DOCK7: variants seen among roughly 807,000 people sequenced by gnomAD.
DOCK7 encodes dedicator of cytokinesis 7.
DOCK7 carries 138 observed loss-of-function variants against 271.0 expected under a neutral mutation model. That is an observed-to-expected ratio of 0.51 (90% CI 0.44 to 0.59). The LOEUF is 0.59. DOCK7 is among the 20% of genes least tolerant of loss of function. DOCK7 has a pLI of 0.00. For synonymous variants in DOCK7, 823 were observed against 876.1 expected (o/e 0.94, Z 1.07); for missense variants, 2,066 against 2,592.4 (o/e 0.80, Z 4.41).
chr1:62,672,092 T>C (rs924204727), intron 1 of DOCK7, among the ~76,000 whole-genome samples: 1 of 152,166 alleles, frequency 6.6e-6, no homozygotes, highest in South Asian at 2.1e-4. Context: ...TCCATCTCTC[T>C]GCCATCTCCA....
chr1:62,629,926 A>T (rs899185140), intron 11 of DOCK7, among the ~76,000 whole-genome samples: 2 of 152,240 alleles, frequency 1.3e-5, no homozygotes, highest in Non-Finnish European at 2.9e-5. Context: ...TTTAAGAAAG[A>T]TTAATAAAAA....
intron 18 of DOCK7, among the ~76,000 whole-genome samples, chr1:62,574,402 C>T (rs1294595615): frequency 6.6e-6 from 1 of 151,516 alleles, no homozygotes; most frequent in African/African-American, 2.4e-5. Context: ...TCAAGAAAAT[C>T]ATGAAATAAA....
Position 62,544,947 on chromosome 1 carries a change from C to T in DOCK7, c.2859G>A (p.Gln953=). Residue 953 remains glutamine (Q), a splice_region_variant and synonymous_variant, in exon 23 of 50, where the codon CAG becomes CAA. Transcript: ENST00000635253. The stretch of plus-strand genomic sequence containing the variant: ...AAGAAACCTCTAATATAAACACCAC[C>T]TGTGTTGATTCTGCACTTGGACTGG... ...SNPSPSAEST[Q]AMDRSCNRMS... 6.5e-7 allele frequency: 1 copy of T among 1,548,566 alleles called. No individual in the cohort carries two copies. The highest frequency in any genetic ancestry group is 8.7e-7 in the Non-Finnish European group (1 of 1,145,616).
intron 31 of DOCK7, among the ~76,000 whole-genome samples, chr1:62,523,452 AAAGG>A (rs1644910293): frequency 6.6e-6 from 1 of 152,340 alleles, no homozygotes; most frequent in African/African-American, 2.4e-5. Flanking sequence ...ATTAAATGTA[AAAGG>A]AAGAACAAAA....
intron 14 of DOCK7, chr1:62,597,828 C>T (rs2149525758): frequency 6.2e-7 from 1 of 1,609,228 alleles, no homozygotes; most frequent in African/African-American, 1.3e-5. Context: ...TCTATCGCTG[C>T]AAACCAGTGA....
In DOCK7 at chr1:62,561,709, A is replaced by G; in HGVS notation, c.2113-6T>C. 6.5e-7 allele frequency: 1 copy of G among 1,529,636 alleles called. No individual in the cohort carries two copies. The highest frequency in any genetic ancestry group is 8.8e-7 in the Non-Finnish European group (1 of 1,142,826). 94.8% of individuals were successfully genotyped at this position (1,529,636 alleles called of 1,614,324 possible). Reference sequence around the variant, plus strand: ...TTCATGCCAGGTAGAGGAACCTGTAAGATATTAAATATAATGATCACAGAT... The same window carrying G: ...TTCATGCCAGGTAGAGGAACCTGTAGGATATTAAATATAATGATCACAGAT... On this transcript the variant is annotated splice_polypyrimidine_tract_variant and splice_region_variant and intron_variant, in intron 18 of 49. Coordinates refer to ENST00000635253, the MANE Select transcript of DOCK7 (RefSeq NM_001367561.1).
At chr1:62,621,167 G>A (rs989209882) in intron 12 of DOCK7, among the ~76,000 whole-genome samples, 2 of 151,918 alleles carry the variant, frequency 1.3e-5, no homozygotes, top group South Asian at 2.1e-4. Flanking sequence ...GGATTTAGAC[G>A]AGGGAGGGAG....
chr1:62,481,387 T>C (rs1349147800), intron 43 of DOCK7: 1 of 152,170 alleles, frequency 6.6e-6, no homozygotes, highest in African/African-American at 2.4e-5. Flanking sequence ...AATTTGACTA[T>C]TTTCAACTTA....
chr1:62,687,923 C>T (rs1012216750), intron 1 of DOCK7, among the ~76,000 whole-genome samples: 7 of 152,202 alleles, frequency 4.6e-5, no homozygotes, highest in Admixed American at 4.6e-4. Flanking sequence ...CATAAACCTC[C>T]GCAGAAGTCC....
intron 25 of DOCK7, among the ~76,000 whole-genome samples, chr1:62,540,700 G>C (rs1645500998): frequency 6.6e-6 from 1 of 152,088 alleles, no homozygotes; most frequent in Non-Finnish European, 1.5e-5. Context: ...TGTGGTAATG[G>C]TAACAAAGAA....
At chr1:62,661,739 T>G (rs1368874882) in intron 2 of DOCK7, among the ~76,000 whole-genome samples, 1 of 152,006 alleles carries the variant, frequency 6.6e-6, no homozygotes, top group Non-Finnish European at 1.5e-5. Context: ...GCCATAAAGA[T>G]AAGACGTGGT....
chr1:62,499,585 A>C (rs939297672), intron 37 of DOCK7, among the ~76,000 whole-genome samples: 1 of 152,104 alleles, frequency 6.6e-6, no homozygotes, highest in Non-Finnish European at 1.5e-5. Context: ...TAAGTAAGAA[A>C]CTTAGCCCGG....
chr1:62,528,196 C>T lies in DOCK7; in HGVS notation c.3891G>A (p.Ser1297=), dbSNP rs751882084. ...QTVAMAIAGT[S]VPQLTRPGSF... is the part of the protein sequence containing the mutation. ...TGCCAGGCCTTGTTAGTTGAGGGAC[C>T]GATGTCCCTGCGATTGCCATGGCAA... Residue 1297 remains serine (S), a synonymous_variant, in exon 31 of 50, where the codon TCG becomes TCA. Transcript: ENST00000635253. The T allele has an allele frequency of 1.4e-5, 22 of 1,613,632 alleles. No homozygotes were observed. Among genetic ancestry groups the T allele is most frequent in the South Asian group, 5.5e-5 (5 of 91,028 alleles).
chr1:62,578,646 CA>C (rs1272279161), intron 17 of DOCK7, among the ~76,000 whole-genome samples, 181 bp downstream of exon 17: 1 of 133,968 alleles, frequency 7.5e-6, no homozygotes, highest in Non-Finnish European at 1.5e-5. Context: ...TGCTTGAACC[CA>C]GGAAACGGAG....
intron 21 of DOCK7, among the ~76,000 whole-genome samples, chr1:62,554,563 T>C (rs1220587867): frequency 3.3e-5 from 5 of 151,664 alleles, no homozygotes; most frequent in Non-Finnish European, 7.4e-5. Flanking sequence ...CTGTCTTTTA[T>C]TTTTAAAATA....
intron 22 of DOCK7, among the ~76,000 whole-genome samples, chr1:62,545,502 A>G (rs1267591358): frequency 6.6e-6 from 1 of 152,120 alleles, no homozygotes; most frequent in African/African-American, 2.4e-5. Context: ...GTGATACCCC[A>G]TAATTCTATT....
intron 18 of DOCK7, among the ~76,000 whole-genome samples, chr1:62,575,881 T>C: frequency 6.6e-6 from 1 of 152,208 alleles, no homozygotes; most frequent in East Asian, 1.9e-4. Context: ...AACAAATCCT[T>C]AACTTCAACA....
chr1:62,503,980 G>A (rs1646866673), intron 37 of DOCK7, among the ~76,000 whole-genome samples: 1 of 151,636 alleles, frequency 6.6e-6, no homozygotes, highest in Non-Finnish European at 1.5e-5. Flanking sequence ...CCAGGAGGCG[G>A]AGCTTGCAGT....
chr1:62,662,360 C>A (rs759028920), intron 2 of DOCK7, among the ~76,000 whole-genome samples: 4 of 152,154 alleles, frequency 2.6e-5, no homozygotes, highest in Non-Finnish European at 4.4e-5. Context: ...AATATAAATT[C>A]ATTTATCTTA....
Sources: allele counts gnomAD v4.1 joint callset (sites outside exome capture counted in the v4.1 genomes callset), GRCh38; gene constraint gnomAD v4.1.1; transcripts MANE v1.5; gene names NCBI Gene and HGNC (gene_info 2026-07-23, HGNC 2026-07-21).